Variants in GBE1 observed in about 807,000 individuals in gnomAD.
The protein encoded by GBE1 is 1,4-alpha-glucan branching enzyme 1, also known as 1,4-alpha-glucan-branching enzyme.
GBE1 carries 70 observed loss-of-function variants against 88.8 expected under a neutral mutation model. The observed-to-expected ratio is 0.79, with a 90% confidence interval of 0.65 to 0.96. The LOEUF is 0.96. Ranked by LOEUF, GBE1 falls within the 40% of genes least tolerant of loss-of-function variation. The pLI, the probability that GBE1 is intolerant of heterozygous loss-of-function variation, is 0.00. For missense variants in GBE1, 872 were observed against 871.0 expected (o/e 1.00, Z -0.01); for synonymous variants, 284 against 300.1 (o/e 0.95, Z 0.56).
intron 12 of GBE1, among the ~76,000 whole-genome samples, chr3:81,572,080 T>C (rs868774224): frequency 9.2e-5 from 14 of 152,160 alleles, no homozygotes; most frequent in African/African-American, 2.7e-4. Context: ...GTTCTTGTGA[T>C]AGTGAGTTCT....
In GBE1 at chr3:81,737,960, T is replaced by A. The variant is rs1474308918; in HGVS notation, c.143+23415A>T. On this transcript the variant is annotated intron_variant, in intron 1 of 15. Coordinates refer to ENST00000429644, the MANE Select transcript of GBE1 (RefSeq NM_000158.4). The stretch of plus-strand genomic sequence containing the variant: ...ATGTTCCCCCTCCTGTGTCCATGTG[T>A]TCTCATTGTTCAATTCCCACCTGTG... 2.6e-5 allele frequency among the ~76,000 whole-genome samples: 4 copies of A among 151,976 alleles called. No homozygotes were observed. The East Asian group carries it at 7.8e-4, about 29-fold the overall frequency.
At chr3:81,556,228 A>T (rs1703346811) in intron 12 of GBE1, among the ~76,000 whole-genome samples, 1 of 152,142 alleles carries the variant, frequency 6.6e-6, no homozygotes, top group South Asian at 2.1e-4. Flanking sequence ...TACATATTTA[A>T]TGTTTACTTA....
intron 7 of GBE1, among the ~76,000 whole-genome samples, chr3:81,618,647 C>A (rs1434649429): frequency 6.6e-6 from 1 of 152,126 alleles, no homozygotes; most frequent in African/African-American, 2.4e-5. Flanking sequence ...TTTTGCTTCA[C>A]TTTTCTCTCA....
At chr3:81,655,962 T>A (rs1299566521) in intron 3 of GBE1, among the ~76,000 whole-genome samples, 4 of 152,218 alleles carry the variant, frequency 2.6e-5, no homozygotes, top group African/African-American at 9.6e-5. Flanking sequence ...ACCAAACTAA[T>A]CTTTCACTAC....
chr3:81,506,899 A>G (rs1702661838), intron 14 of GBE1, among the ~76,000 whole-genome samples: 1 of 152,068 alleles, frequency 6.6e-6, no homozygotes, highest in South Asian at 2.1e-4. Context: ...GGAACGACAC[A>G]CTCTGGGGCC....
chr3:81,501,956 C>T (rs1175253186), intron 14 of GBE1, among the ~76,000 whole-genome samples: 1 of 149,028 alleles, frequency 6.7e-6, no homozygotes, highest in African/African-American at 2.5e-5. Flanking sequence ...ACCTCGGCCT[C>T]TTAAAGTGCT....
rs150534165 is a variant in GBE1 at position 81,656,083 on chromosome 3, T to C, written c.430-6162A>G. On this transcript the variant is annotated intron_variant, in intron 3 of 15. Coordinates refer to ENST00000429644, the MANE Select transcript of GBE1 (RefSeq NM_000158.4). ...GCCAATTTAACATTAATGAAGCTTA[T>C]GTGAAGAGTATGTGGGCAAGAATCT... Among the ~76,000 whole-genome samples the C allele has an allele frequency of 7.9e-4, 120 of 152,288 alleles. No individual in the cohort carries two copies. In the East Asian group the frequency reaches 0.019, roughly 24 times the overall value.
intron 2 of GBE1, among the ~76,000 whole-genome samples, chr3:81,698,804 A>C (rs1705642298): frequency 3.9e-5 from 6 of 152,206 alleles, no homozygotes; most frequent in Admixed American, 3.9e-4. Flanking sequence ...AAATCTGTTA[A>C]GCAAAAGTAA....
In GBE1 at chr3:81,710,232, C is replaced by CTTTTTTTTTTT. The variant is rs397990331; in HGVS notation, c.144-4630_144-4620dup. Among the ~76,000 whole-genome samples, 303 of 93,228 alleles carry CTTTTTTTTTTT rather than the reference C, an allele frequency of 3.3e-3. 22 individuals carry two copies. The highest frequency in any genetic ancestry group is 4.6e-3 in the Non-Finnish European group (238 of 52,078). The allele number at this position is 93,228 out of a possible 152,430, so 61.2% of individuals were successfully genotyped here. A position where few individuals can be genotyped will look rare whatever the true frequency, so the allele number is the denominator to read the frequency against. ...TTGTTTTACTCTTAAGGTAATTAAT[C>CTTTTTTTTTTT]TTTTTTTTTTTTTTTTTTTTGAGAC... is the stretch of plus-strand genomic sequence containing the variant. On this transcript the variant is annotated intron_variant, in intron 1 of 15. Transcript: ENST00000429644.
intron 7 of GBE1, among the ~76,000 whole-genome samples, chr3:81,609,340 G>A (rs1158796447): frequency 1.3e-5 from 2 of 152,088 alleles, no homozygotes; most frequent in African/African-American, 2.4e-5. Flanking sequence ...CAGATATTAA[G>A]TGATTTTCCA....
At chr3:81,616,254 C>T (rs1305485431) in intron 7 of GBE1, among the ~76,000 whole-genome samples, 1 of 152,090 alleles carries the variant, frequency 6.6e-6, no homozygotes, top group African/African-American at 2.4e-5. Context: ...CTTGTATTGA[C>T]AGTATTCTCA....
intron 12 of GBE1, among the ~76,000 whole-genome samples, chr3:81,574,946 C>G (rs1443802285): frequency 6.6e-6 from 1 of 152,190 alleles, no homozygotes; most frequent in Non-Finnish European, 1.5e-5. Flanking sequence ...AGGCGAATCA[C>G]GAGGTCAGGA....
rs1363157562 is a variant in GBE1 at position 81,761,468 on chromosome 3, G to A, written c.50C>T (p.Ala17Val). The change falls in exon 1 of 16, where the codon GCG (alanine) becomes GTG (valine). Residue 17 changes from alanine to valine, a missense_variant. Physicochemically the swap from Ala to Val is moderately conservative, Grantham distance 64. Coordinates refer to ENST00000429644, the MANE Select transcript of GBE1 (RefSeq NM_000158.4). ...PAARPEDYEA[A>V]LNAALADVPE... is the part of the protein sequence containing the mutation. ...CACGTCAGCCAGGGCGGCATTGAGC[G>A]CCGCCTCGTAGTCCTCGGGCCGAGC... The A allele has an allele frequency of 1.2e-6, 2 of 1,613,084 alleles. No homozygotes were observed. The highest frequency in any genetic ancestry group is 1.7e-6 in the Non-Finnish European group (2 of 1,179,670).
At chr3:81,520,320 C>T (rs1702856040) in intron 14 of GBE1, among the ~76,000 whole-genome samples, 1 of 151,448 alleles carries the variant, frequency 6.6e-6, no homozygotes, top group Admixed American at 6.6e-5. Flanking sequence ...GTAATTATCG[C>T]AACGTTTCAA....
chr3:81,725,710 G>A (rs1266801063), intron 1 of GBE1, among the ~76,000 whole-genome samples: 1 of 152,160 alleles, frequency 6.6e-6, no homozygotes, highest in African/African-American at 2.4e-5. Flanking sequence ...AAACACATTA[G>A]TGCATTGCAC....
At chr3:81,696,646 A>C (rs954815642) in intron 2 of GBE1, among the ~76,000 whole-genome samples, 1 of 152,184 alleles carries the variant, frequency 6.6e-6, no homozygotes, top group African/African-American at 2.4e-5. Flanking sequence ...TTGATAGATA[A>C]AATTATGAAA....
At chr3:81,667,598 T>TTA (rs1705130016) in intron 3 of GBE1, among the ~76,000 whole-genome samples, 1 of 152,320 alleles carries the variant, frequency 6.6e-6, no homozygotes, top group Admixed American at 6.5e-5. Context: ...TAAATAGCTC[T>TTA]TATTATTTCT....
intron 3 of GBE1, among the ~76,000 whole-genome samples, chr3:81,655,814 C>T (rs996754637): frequency 6.6e-5 from 10 of 152,106 alleles, no homozygotes; most frequent in Non-Finnish European, 5.9e-5. Context: ...GCCACCACGC[C>T]CAGCCAAATG....
intron 9 of GBE1, 125 bp downstream of exon 9, chr3:81,590,912 T>C: frequency 2.7e-6 from 2 of 750,392 alleles, no homozygotes; most frequent in Non-Finnish European, 4.0e-6. Flanking sequence ...AGCTGCACTA[T>C]ACTCAGGGTA....
Sources: allele counts gnomAD v4.1 joint callset (sites outside exome capture counted in the v4.1 genomes callset), GRCh38; gene constraint gnomAD v4.1.1; transcripts MANE v1.5; gene names NCBI Gene and HGNC (gene_info 2026-07-23, HGNC 2026-07-21).